ACTN1: variants seen among roughly 807,000 people sequenced by gnomAD.
ACTN1 encodes alpha-actinin-1.
A neutral mutation model predicts 119.6 loss-of-function variants in ACTN1; 30 were observed. The observed-to-expected ratio is 0.25, with a 90% CI of 0.19 to 0.34. ACTN1 has a LOEUF of 0.34. ACTN1 is among the 10% of genes least tolerant of loss of function. The pLI, the probability that ACTN1 is intolerant of heterozygous loss-of-function variation, is 1.00. For missense variants in ACTN1, 764 were observed against 1,223.4 expected, an observed-to-expected ratio of 0.62 and a Z score of 5.60; for synonymous variants, 429 against 472.6, an observed-to-expected ratio of 0.91 and a Z score of 1.20.
chr14:68,926,838 C>T (rs1040291051), intron 1 of ACTN1, among the ~76,000 whole-genome samples: 3 of 152,180 alleles, frequency 2.0e-5, no homozygotes, highest in African/African-American at 4.8e-5. Flanking sequence ...GAACATCACA[C>T]CAGCGAGTAT....
Position 68,882,738 on chromosome 14 carries a change from A to C in ACTN1, c.1818+135T>G. 6.6e-7 allele frequency: 1 copy of C among 1,504,816 alleles called. No individual in the cohort carries two copies. Among genetic ancestry groups the C allele is most frequent in the Non-Finnish European group, 9.0e-7 (1 of 1,107,506 alleles). The allele number at this position is 1,504,816 out of a possible 1,614,324, so 93.2% of individuals were successfully genotyped here. A position where few individuals can be genotyped will look rare whatever the true frequency, so the allele number is the denominator to read the frequency against. ...GTCAACCTGTTCTGGAAACCCAGTC[A>C]TTTGACATTTGGACAAACAATGAGT... On this transcript the variant is annotated intron_variant, in intron 15 of 21. Coordinates refer to ENST00000394419, the MANE Select transcript of ACTN1 (RefSeq NM_001130004.2). The surrounding 1 kb of genome is among the most constrained non-coding windows in gnomAD (Gnocchi z 4.5).
At chr14:68,900,410 C>T (rs2140224603) in intron 8 of ACTN1, among the ~76,000 whole-genome samples, 1 of 151,984 alleles carries the variant, frequency 6.6e-6, no homozygotes, top group Admixed American at 6.6e-5. Context: ...GGTCTGGACT[C>T]CCTGGAGAAG....
intron 8 of ACTN1, among the ~76,000 whole-genome samples, chr14:68,900,200 C>G (rs986949226): frequency 5.1e-4 from 77 of 152,094 alleles, no homozygotes; most frequent in African/African-American, 1.8e-3. Context: ...CATTTTTTAC[C>G]TCTTCCCCAA....
At chr14:68,897,284 T>A (rs2032947594) in intron 8 of ACTN1, among the ~76,000 whole-genome samples, 1 of 152,214 alleles carries the variant, frequency 6.6e-6, no homozygotes, top group Non-Finnish European at 1.5e-5. Context: ...GCGCCCAACC[T>A]GAATTTTCAT....
intron 1 of ACTN1, among the ~76,000 whole-genome samples, chr14:68,928,372 G>A (rs1158617427): frequency 2.0e-5 from 3 of 152,104 alleles, no homozygotes; most frequent in Non-Finnish European, 2.9e-5. Flanking sequence ...AATCCTCAGA[G>A]GCCCCATAGA....
At chr14:68,927,904 C>T (rs941243598) in intron 1 of ACTN1, among the ~76,000 whole-genome samples, 10 of 152,210 alleles carry the variant, frequency 6.6e-5, no homozygotes, top group Admixed American at 3.9e-4. Flanking sequence ...CTTGAGTGTG[C>T]GTTGACACTG....
intron 16 of ACTN1, among the ~76,000 whole-genome samples, chr14:68,881,955 T>TTTTTTTTTTTTTTTA (rs58500225): frequency 9.7e-6 from 1 of 103,002 alleles, no homozygotes; most frequent in African/African-American, 4.4e-5. Context: ...TTTTTTTTTT[T>TTTTTTTTTTTTTTTA]GACAGAGTCT....
chr14:68,922,215 G>A (rs1314305479), intron 2 of ACTN1, among the ~76,000 whole-genome samples: 1 of 152,114 alleles, frequency 6.6e-6, no homozygotes, highest in African/African-American at 2.4e-5. Flanking sequence ...ATCTGGCTGC[G>A]AGGACTCCAG....
At chr14:68,889,351 T>C (rs1459542485) in intron 11 of ACTN1, among the ~76,000 whole-genome samples, 1 of 152,166 alleles carries the variant, frequency 6.6e-6, no homozygotes, top group African/African-American at 2.4e-5. Context: ...ACCACAAGCA[T>C]GCAATGTACT....
At position 68,874,499 on chromosome 14, in the gene ACTN1, G is replaced by A. The variant is rs1013902422; in HGVS notation, c.*360C>T. ...GAACAGATAGAAGAAAAAAAAATCA[G>A]TAAAAAGGATGGAATATAACTTTGT... On this transcript the variant is annotated 3_prime_UTR_variant, in exon 22 of 22. Coordinates refer to ENST00000394419, the MANE Select transcript of ACTN1 (RefSeq NM_001130004.2). The A allele has an allele frequency of 5.8e-6, 1 of 173,700 alleles. No homozygotes were observed. The highest frequency in any genetic ancestry group is 1.2e-5 in the Non-Finnish European group (1 of 82,632). The allele number at this position is 173,700 out of a possible 1,614,324, so 10.8% of individuals were successfully genotyped here.
intron 7 of ACTN1, among the ~76,000 whole-genome samples, chr14:68,903,377 T>A (rs1226639091): frequency 1.3e-5 from 2 of 152,150 alleles, no homozygotes; most frequent in African/African-American, 2.4e-5. Flanking sequence ...ACCCCGTCTC[T>A]ACTAAAAATA....
At chr14:68,917,207 T>G (rs1003808750) in intron 3 of ACTN1, among the ~76,000 whole-genome samples, 2 of 152,102 alleles carry the variant, frequency 1.3e-5, no homozygotes, top group African/African-American at 4.8e-5. Flanking sequence ...TGCTCTAACC[T>G]CCCCTTTATG....
chr14:68,939,221 G>C (rs1014041616), intron 1 of ACTN1, among the ~76,000 whole-genome samples: 2 of 152,226 alleles, frequency 1.3e-5, no homozygotes, highest in African/African-American at 4.8e-5. Context: ...CACGATCCTA[G>C]TGAAGAAACA....
chr14:68,949,389 T>C (rs756260393), intron 1 of ACTN1, among the ~76,000 whole-genome samples: 1 of 152,212 alleles, frequency 6.6e-6, no homozygotes, highest in African/African-American at 2.4e-5. Flanking sequence ...AAACTTTTCA[T>C]TAGCTCTGCA....
At chr14:68,978,920 G>GGGGGCTGGGGGCTC in intron 1 of ACTN1, 32 bp downstream of exon 1, 1 of 1,443,536 alleles carries the variant, frequency 6.9e-7, no homozygotes, top group Non-Finnish European at 9.4e-7. Context: ...GCTGGGGGCT[G>GGGGGCTGGGGGCTC]GGGGCTGCAG....
At chr14:68,973,359 C>G (rs1261839267) in intron 1 of ACTN1, among the ~76,000 whole-genome samples, 3 of 152,166 alleles carry the variant, frequency 2.0e-5, no homozygotes, top group African/African-American at 7.2e-5. Flanking sequence ...GGGTGGTTAC[C>G]CACATGCTGT....
At chr14:68,966,407 A>G (rs2036708178) in intron 1 of ACTN1, among the ~76,000 whole-genome samples, 1 of 152,032 alleles carries the variant, frequency 6.6e-6, no homozygotes. Flanking sequence ...CTCGGTTTAT[A>G]GGTGGTTTCA....
At chr14:68,911,492 T>C (rs899017640) in intron 4 of ACTN1, among the ~76,000 whole-genome samples, 22 of 152,246 alleles carry the variant, frequency 1.4e-4, no homozygotes, top group African/African-American at 4.3e-4. Flanking sequence ...AGCAATTGAA[T>C]TGAATCCACG....
intron 1 of ACTN1, among the ~76,000 whole-genome samples, chr14:68,974,547 C>T (rs1013809992): frequency 6.2e-5 from 9 of 144,446 alleles, no homozygotes; most frequent in Non-Finnish European, 1.4e-4. Flanking sequence ...CTCTGTCCTA[C>T]AACATCACAC....
Sources: gnomAD v4.1 joint callset for allele counts (sites outside exome capture counted in the v4.1 genomes callset) on GRCh38, gnomAD v4.1.1 for gene constraint, Gnocchi (gnomAD v3.1) non-coding constraint, MANE v1.5 for transcripts, NCBI Gene and HGNC (gene_info 2026-07-23, HGNC 2026-07-21) for gene names.